Variants in POR observed in about 807,000 individuals in gnomAD.
POR encodes the protein NADPH--cytochrome P450 reductase.
Under a neutral mutation model 84.0 loss-of-function variants are expected in POR, and 56 were observed. The observed-to-expected ratio is 0.67, with a 90% CI of 0.54 to 0.83. The LOEUF is 0.83. Ranked by LOEUF, POR falls within the 40% of genes least tolerant of loss-of-function variation. The pLI is 0.00. For missense variants in POR, 938 were observed against 944.3 expected (o/e 0.99, Z 0.09); for synonymous variants, 414 against 400.5 (o/e 1.03, Z -0.40).
chr7:75,932,304 C>A (rs1410688185), intron 1 of POR, among the ~76,000 whole-genome samples: 1 of 152,018 alleles, frequency 6.6e-6, no homozygotes, highest in African/African-American at 2.4e-5. Flanking sequence ...CCTCAGCCCC[C>A]CGAGTAGCTA....
At chr7:75,967,751 G>A (rs1430094055) in intron 2 of POR, 2 of 244,028 alleles carry the variant, frequency 8.2e-6, no homozygotes, top group South Asian at 4.9e-5. Flanking sequence ...TCCTTCCCTC[G>A]GTCCATACAG....
chr7:75,954,995 G>GT lies in POR; in HGVS notation c.188+817dup, dbSNP rs1231640946. Among the ~76,000 whole-genome samples, 4 of 152,080 alleles carry GT rather than the reference G, an allele frequency of 2.6e-5. No individual in the cohort carries two copies. In the East Asian group the frequency reaches 5.8e-4, roughly 22 times the overall value. ...AGTGCTGGGATTACAGGTGTGAGCC[G>GT]TTGCGCCCAGTCAATTTTTGTATTT... On this transcript the variant is annotated intron_variant, in intron 2 of 15. Transcript: ENST00000461988.
At chr7:75,958,550 A>T (rs1554554060) in intron 2 of POR, among the ~76,000 whole-genome samples, 1 of 152,222 alleles carries the variant, frequency 6.6e-6, no homozygotes, top group Non-Finnish European at 1.5e-5. Flanking sequence ...GCCCAAGGCC[A>T]CCTAACTTCT....
chr7:75,934,328 A>G (rs1366930159), intron 1 of POR, among the ~76,000 whole-genome samples: 5 of 152,126 alleles, frequency 3.3e-5, no homozygotes, highest in Non-Finnish European at 5.9e-5. Flanking sequence ...GTGAACAACA[A>G]CAACAAAAAA....
At chr7:75,949,839 G>A (rs1554552517) in intron 1 of POR, among the ~76,000 whole-genome samples, 1 of 150,672 alleles carries the variant, frequency 6.6e-6, no homozygotes, top group Admixed American at 6.6e-5. Flanking sequence ...GTTTTGATCA[G>A]GGAGGGGACA....
chr7:75,973,518 A>G (rs190959781), intron 3 of POR, among the ~76,000 whole-genome samples: 57 of 151,608 alleles, frequency 3.8e-4, no homozygotes, highest in Admixed American at 2.9e-3. Context: ...GGTTCTCGCT[A>G]TGTTGCCCAG....
chr7:75,918,308 A>G (rs913268187), intron 1 of POR, among the ~76,000 whole-genome samples: 3 of 150,368 alleles, frequency 2.0e-5, no homozygotes, highest in Non-Finnish European at 4.4e-5. Flanking sequence ...TCTGTCTCAG[A>G]AAAAAAAACC....
chr7:75,971,170 C>T (rs1788423699), intron 2 of POR: 1 of 151,794 alleles, frequency 6.6e-6, no homozygotes, highest in Non-Finnish European at 1.5e-5. Context: ...CCATGTTGGT[C>T]AGGCTGGGCT....
chr7:75,977,740 TA>T (rs1788760720), intron 3 of POR, among the ~76,000 whole-genome samples: 2 of 152,102 alleles, frequency 1.3e-5, no homozygotes, highest in African/African-American at 4.8e-5. Context: ...ATCGTGCCAT[TA>T]CACTCCAATC....
chr7:75,947,930 C>G (rs1290276621), intron 1 of POR, among the ~76,000 whole-genome samples: 1 of 151,954 alleles, frequency 6.6e-6, no homozygotes, highest in South Asian at 2.1e-4. Flanking sequence ...GTTTCTTAAC[C>G]CAGGGGCTCA....
At chr7:75,970,854 G>A (rs1463459762) in intron 2 of POR, 3 of 151,648 alleles carry the variant, frequency 2.0e-5, no homozygotes, top group African/African-American at 4.8e-5. Flanking sequence ...TTACATTCTC[G>A]ATCAAAGTCT....
At position 75,953,087 on chromosome 7, in the gene POR, C is replaced by T. The variant is rs377298096; in HGVS notation, c.-4-902C>T. On this transcript the variant is annotated intron_variant, in intron 1 of 15. Coordinates refer to ENST00000461988, the MANE Select transcript of POR (RefSeq NM_000941.3). ...ATCCCGGCACCTCGGGAGGCCGAGG[C>T]TGGAGGATCACTCGCGGTTAGGAGC... Among the ~76,000 whole-genome samples the T allele has an allele frequency of 5.9e-5, 9 of 152,292 alleles. No homozygotes were observed. The South Asian group carries it at 1.2e-3, about 21-fold the overall frequency.
At chr7:75,960,352 C>T (rs1457704747) in intron 2 of POR, among the ~76,000 whole-genome samples, 1 of 152,054 alleles carries the variant, frequency 6.6e-6, no homozygotes, top group Non-Finnish European at 1.5e-5. Flanking sequence ...TCCACTCCCA[C>T]TCACTCAGGT....
intron 2 of POR, 61 bp from the exon 3 acceptor site, chr7:75,972,349 TCCC>T (rs1788478575): frequency 1.4e-6 from 2 of 1,447,766 alleles, no homozygotes; most frequent in Non-Finnish European, 1.9e-6. Flanking sequence ...GACACCCACG[TCCC>T]GTGACACCTG....
At chr7:75,985,307 C>G in intron 12 of POR, 100 bp downstream of exon 12, 1 of 1,400,462 alleles carries the variant, frequency 7.1e-7, no homozygotes, top group Non-Finnish European at 9.4e-7. Context: ...GATCTGAGCC[C>G]TGAGCTCCAG....
intron 1 of POR, among the ~76,000 whole-genome samples, chr7:75,918,002 A>G (rs1806657215): frequency 6.6e-6 from 1 of 152,068 alleles, no homozygotes; most frequent in Non-Finnish European, 1.5e-5. Context: ...TGTCTCTATA[A>G]AAAAAATACA....
At chr7:75,978,463 G>T (rs1357628589) in intron 3 of POR, among the ~76,000 whole-genome samples, 2 of 152,084 alleles carry the variant, frequency 1.3e-5, no homozygotes, top group Admixed American at 1.3e-4. Context: ...GAGGATGTGT[G>T]TAGGCTACAC....
rs201960141 is a variant in POR at position 75,983,803 on chromosome 7, G to A, written c.1013G>A (p.Gly338Asp). The change falls in exon 10 of 16, where the codon GGC becomes GAC. Residue 338 changes from glycine (G) to aspartate (D), a missense_variant. Transcript: ENST00000461988. ...GACTCTGCTCTCGTCAACCAGCTGGGCAAAATCCTGGGTGCCGACCTGGAC... is the reference window on the plus strand; with the variant it reads ...GACTCTGCTCTCGTCAACCAGCTGGACAAAATCCTGGGTGCCGACCTGGAC... 8 of 1,612,226 alleles carry A rather than the reference G, an allele frequency of 5.0e-6. No individual in the cohort carries two copies. The highest frequency in any genetic ancestry group is 6.8e-6 in the Non-Finnish European group (8 of 1,179,656).
At chr7:75,968,398 A>G in intron 2 of POR, 1 of 401,602 alleles carries the variant, frequency 2.5e-6, no homozygotes, top group African/African-American at 2.1e-5. Context: ...AAAGGAAGGA[A>G]TTTGGACTGG....
Sources: allele counts gnomAD v4.1 joint callset (sites outside exome capture counted in the v4.1 genomes callset), GRCh38; gene constraint gnomAD v4.1.1; transcripts MANE v1.5; gene names NCBI Gene and HGNC (gene_info 2026-07-23, HGNC 2026-07-21).